UMODL1: variants seen among roughly 807,000 people sequenced by gnomAD.
UMODL1 encodes the protein uromodulin-like 1.
In UMODL1, 128 loss-of-function variants were observed where a neutral mutation model predicts 136.3. The ratio of observed to expected loss-of-function variants is 0.94; its 90% confidence interval spans 0.81 to 1.09. The LOEUF (loss-of-function observed/expected upper bound fraction) is 1.09, where lower values mean the gene tolerates loss of function less well. Ranked by LOEUF, UMODL1 falls within the 50% of genes least tolerant of loss-of-function variation. UMODL1 has a pLI of 0.00. For missense variants in UMODL1, 1,766 were observed against 1,725.6 expected, an observed-to-expected ratio of 1.02 and a Z score of -0.41; for synonymous variants, 721 against 720.0, an observed-to-expected ratio of 1.00 and a Z score of -0.02.
intron 14 of UMODL1, among the ~76,000 whole-genome samples, chr21:42,117,007 C>G (rs2066910227): frequency 6.6e-6 from 1 of 152,028 alleles, no homozygotes; most frequent in Admixed American, 6.5e-5. Context: ...AACCAGGAGG[C>G]AGAGGTTGCA....
chr21:42,134,339 C>G (rs1178865243), intron 21 of UMODL1, among the ~76,000 whole-genome samples: 1 of 152,238 alleles, frequency 6.6e-6, no homozygotes, highest in African/African-American at 2.4e-5. Flanking sequence ...TTTGCATATT[C>G]AGTTTTCGGA....
upstream of UMODL1, among the ~76,000 whole-genome samples, chr21:42,068,747 TGTAA>T (rs2066203729): frequency 6.6e-6 from 1 of 151,360 alleles, no homozygotes; most frequent in Non-Finnish European, 1.5e-5. The surrounding 1 kb of genome is among the most constrained non-coding windows in gnomAD (Gnocchi z 5.5). Context: ...TGTAAGTGTG[TGTAA>T]GTGTGAACGT....
At chr21:42,068,311 G>A (rs144769641), upstream of UMODL1, among the ~76,000 whole-genome samples, 2 of 152,316 alleles carry the variant, frequency 1.3e-5, no homozygotes, top group South Asian at 2.1e-4. The surrounding 1 kb of genome is among the most constrained non-coding windows in gnomAD (Gnocchi z 5.5). Context: ...GTGCCTGAGT[G>A]AGAGAGGGGT....
chr21:42,088,266 G>C (rs376809279), intron 4 of UMODL1, 28 bp from the exon 5 acceptor site: 43 of 1,600,876 alleles, frequency 2.7e-5, no homozygotes, highest in Admixed American at 1.7e-4. Flanking sequence ...TCCTTCTGCT[G>C]TGTGACACTC....
At position 42,122,932 on chromosome 21, in the gene UMODL1, C is replaced by G. The variant is rs1038842358; in HGVS notation, c.2929C>G (p.Gln977Glu). 1.1e-5 allele frequency: 18 copies of G among 1,613,856 alleles called. No homozygotes were observed. The highest frequency in any genetic ancestry group is 9.3e-5 in the African/African-American group (7 of 74,948). ...AFVQGTSPTPQGLPQRLNLTG... is the reference protein window; with the variant it reads ...AFVQGTSPTPEGLPQRLNLTG... ...TGTGCAAGGCACCAGCCCCACCCCC[C>G]AAGGCCTGCCCCAGCGGCTGAACCT... Residue 977 changes from glutamine (Q) to glutamate (E), a missense_variant, in exon 17 of 23, where the codon CAA (glutamine) becomes GAA (glutamate). By Grantham distance (29) the Gln-to-Glu change is conservative. Transcript: ENST00000408910. The surrounding 1 kb of genome is among the most constrained non-coding windows in gnomAD (Gnocchi z 4.3).
intron 1 of UMODL1, among the ~76,000 whole-genome samples, chr21:42,074,407 T>G (rs1400776388): frequency 6.6e-6 from 1 of 152,214 alleles, no homozygotes; most frequent in Non-Finnish European, 1.5e-5. Flanking sequence ...TCTGAGTTAC[T>G]GGGGTTTAGG....
In UMODL1 at chr21:42,084,255, T is replaced by C. The variant is rs778157986; in HGVS notation, c.481+10T>C. ...GCCCCTGCACCCCAAGGTAGGCTGC[T>C]GCGGGCCATGCTTATGGACAGGCAG... On this transcript the variant is annotated intron_variant, in intron 3 of 22. Coordinates refer to ENST00000408910, the MANE Select transcript of UMODL1 (RefSeq NM_001004416.3). 6.2e-7 allele frequency: 1 copy of C among 1,610,998 alleles called. No individual in the cohort carries two copies. Among genetic ancestry groups the C allele is most frequent in the East Asian group, 2.2e-5 (1 of 44,750 alleles).
intron 15 of UMODL1, 114 bp downstream of exon 15, chr21:42,119,438 TC>T: frequency 1.1e-6 from 1 of 885,892 alleles, no homozygotes; most frequent in Non-Finnish European, 1.8e-6. Context: ...TGGTCCTTCT[TC>T]CCCCAGAATT....
At chr21:42,138,021 C>G (rs1300871304) in intron 22 of UMODL1, among the ~76,000 whole-genome samples, 1 of 152,088 alleles carries the variant, frequency 6.6e-6, no homozygotes, top group African/African-American at 2.4e-5. Context: ...GCTTCACACA[C>G]CCACTGGACT....
At chr21:42,097,690 A>T (rs2066574997) in intron 6 of UMODL1, among the ~76,000 whole-genome samples, 1 of 152,224 alleles carries the variant, frequency 6.6e-6, no homozygotes, top group Admixed American at 6.5e-5. Flanking sequence ...ATATATTTTT[A>T]AAAGTTCTTT....
At chr21:42,108,759 G>A (rs531539206) in intron 9 of UMODL1, among the ~76,000 whole-genome samples, 134 of 136,938 alleles carry the variant, frequency 9.8e-4, no homozygotes, top group East Asian at 3.1e-3. Flanking sequence ...CGGGCCCCCC[G>A]GTGACATGAC....
In UMODL1 at chr21:42,084,213, G is replaced by T; in HGVS notation, c.449G>T (p.Gly150Val). 1 of 1,613,788 alleles carries T rather than the reference G, an allele frequency of 6.2e-7. No individual in the cohort carries two copies. Among genetic ancestry groups the T allele is most frequent in the Non-Finnish European group, 8.5e-7 (1 of 1,180,010 alleles). The stretch of plus-strand genomic sequence containing the variant: ...CTTGAGAAGTGCTGCCCCTGGTCAG[G>T]GGGGCGCTACTGCATGGCCCCTGCA... The part of the protein sequence containing the change: ...PGLEKCCPWS[G>V]GRYCMAPAPQ... The change falls in exon 3 of 23, where the codon GGG becomes GTG. Residue 150 changes from glycine (G) to valine (V), a missense_variant. By Grantham distance (109) the Gly-to-Val change is moderately radical (BLOSUM62 -3). Transcript: ENST00000408910.
At chr21:42,076,428 T>A (rs1336711019) in intron 2 of UMODL1, among the ~76,000 whole-genome samples, 181 bp downstream of exon 2, 1 of 152,218 alleles carries the variant, frequency 6.6e-6, no homozygotes, top group Non-Finnish European at 1.5e-5. Context: ...CCTAGGTTTC[T>A]GAGTCCGTGG....
intron 19 of UMODL1, 58 bp from the exon 20 acceptor site, chr21:42,127,614 A>C: frequency 2.6e-6 from 4 of 1,547,662 alleles, no homozygotes; most frequent in Non-Finnish European, 3.5e-6. Context: ...AACTCATCTG[A>C]GAACAAGGAC....
chr21:42,064,053 T>C (rs1338735565), intron 1 of UMODL1, among the ~76,000 whole-genome samples: 2 of 152,170 alleles, frequency 1.3e-5, no homozygotes, highest in East Asian at 3.9e-4. Context: ...TATGGATGCC[T>C]TGGGGCTTGG....
At chr21:42,138,049 G>A (rs541532040) in intron 22 of UMODL1, among the ~76,000 whole-genome samples, 2 of 152,204 alleles carry the variant, frequency 1.3e-5, no homozygotes, top group South Asian at 2.1e-4. Context: ...CGATACCAGC[G>A]GCAGTGCTAT....
chr21:42,113,245 C>A lies in UMODL1; in HGVS notation c.2105-328C>A, dbSNP rs556185325. On this transcript the variant is annotated intron_variant, in intron 12 of 22. Coordinates refer to ENST00000408910, the MANE Select transcript of UMODL1 (RefSeq NM_001004416.3). The stretch of plus-strand genomic sequence containing the variant: ...CACCCAGGGGTCAAGAGTAGACAGT[C>A]CATCTGAGGCGCCACCAAGAACCTG... 8.6e-5 allele frequency: 20 copies of A among 231,788 alleles called. 1 individual carries two copies. In the South Asian group the frequency reaches 1.7e-3, roughly 20 times the overall value. 14.4% of individuals were successfully genotyped at this position (231,788 alleles called of 1,614,324 possible).
chr21:42,116,856 G>A (rs548802503), intron 14 of UMODL1, among the ~76,000 whole-genome samples: 33 of 152,222 alleles, frequency 2.2e-4, no homozygotes, highest in South Asian at 1.7e-3. Flanking sequence ...TGGGTGGATC[G>A]CCTGAGGTCA....
At chr21:42,091,289 C>T (rs913521678) in intron 6 of UMODL1, among the ~76,000 whole-genome samples, 2 of 152,178 alleles carry the variant, frequency 1.3e-5, no homozygotes, top group African/African-American at 2.4e-5. Flanking sequence ...ACTGGAACCA[C>T]GAGGATAAGC....
Sources: allele counts gnomAD v4.1 joint callset (sites outside exome capture counted in the v4.1 genomes callset), GRCh38; gene constraint gnomAD v4.1.1; non-coding constraint Gnocchi (gnomAD v3.1); transcripts MANE v1.5; gene names NCBI Gene and HGNC (gene_info 2026-07-23, HGNC 2026-07-21).